XRCC5: variants seen among roughly 807,000 people sequenced by gnomAD.
The protein encoded by XRCC5 is X-ray repair cross complementing 5, also known as DNA repair protein Ku80.
XRCC5 carries 12 observed loss-of-function variants against 95.7 expected under a neutral mutation model. The ratio of observed to expected loss-of-function variants is 0.13; its 90% CI spans 0.08 to 0.20. XRCC5 has a LOEUF of 0.20. Ranked by LOEUF, XRCC5 falls within the 10% of genes least tolerant of loss-of-function variation. XRCC5 has a pLI of 1.00. For synonymous variants in XRCC5, 281 were observed against 290.3 expected (o/e 0.97, Z 0.33); for missense variants, 595 against 873.9 (o/e 0.68, Z 4.02).
At chr2:216,118,933 T>G in intron 4 of XRCC5, 110 bp from the exon 5 acceptor site, 1 of 1,129,772 alleles carries the variant, frequency 8.9e-7, no homozygotes. Context: ...TCACATTTAT[T>G]AACTCTAGAT....
At chr2:216,144,448 G>GT in intron 13 of XRCC5, among the ~76,000 whole-genome samples, 1 of 152,194 alleles carries the variant, frequency 6.6e-6, no homozygotes, top group East Asian at 1.9e-4. Context: ...AGGCTTAAGA[G>GT]TTAAAGCAGT....
intron 4 of XRCC5, among the ~76,000 whole-genome samples, chr2:216,118,003 T>C (rs1696733267): frequency 6.6e-6 from 1 of 152,194 alleles, no homozygotes; most frequent in Non-Finnish European, 1.5e-5. Flanking sequence ...TGATTATTTC[T>C]CTGGAAGAAA....
intron 10 of XRCC5, among the ~76,000 whole-genome samples, chr2:216,132,930 A>G (rs1431426972): frequency 6.6e-6 from 1 of 152,212 alleles, no homozygotes; most frequent in Non-Finnish European, 1.5e-5. Context: ...TGTTGGAGAT[A>G]CTGATTTTAA....
intron 6 of XRCC5, among the ~76,000 whole-genome samples, chr2:216,124,014 G>A (rs866704104): frequency 2.6e-5 from 4 of 152,158 alleles, no homozygotes; most frequent in African/African-American, 7.2e-5. Context: ...GCTACATGTG[G>A]CTATTTAAAT....
chr2:216,203,865 T>TTTTC lies in XRCC5; in HGVS notation c.2110-457_2110-456insTTTC, dbSNP rs1553582007. Among the ~76,000 whole-genome samples, 2 of 150,468 alleles carry TTTTC rather than the reference T, an allele frequency of 1.3e-5. 1 individual carries two copies. The highest frequency in any genetic ancestry group is 4.9e-5 in the African/African-American group (2 of 40,804). On this transcript the variant is annotated intron_variant, in intron 19 of 20. Transcript: ENST00000392132. ...ATTCTAAGCTTTTTTTTTTTTTTTT[T>TTTTC]CCTGATTCTTCATCATTCAACTTGA...
chr2:216,187,825 T>TCA lies in XRCC5; in HGVS notation c.1835-2399_1835-2398insAC, dbSNP rs1559261263. 3.6e-3 allele frequency among the ~76,000 whole-genome samples: 179 copies of TCA among 50,040 alleles called. 4 individuals are homozygous for TCA. The highest frequency in any genetic ancestry group is 0.018 in the African/African-American group (171 of 9,272). 32.8% of individuals were successfully genotyped at this position (50,040 alleles called of 152,430 possible). A position where few individuals can be genotyped will look rare whatever the true frequency, so the allele number is the denominator to read the frequency against. ...CACACACACACACACACACACACTC[T>TCA]CTCTCTCTCTCTCTCTCTCTCTCTC... is the stretch of plus-strand genomic sequence containing the variant. On this transcript the variant is annotated intron_variant, in intron 16 of 20. Coordinates refer to ENST00000392132, the MANE Select transcript of XRCC5 (RefSeq NM_021141.4).
intron 16 of XRCC5, among the ~76,000 whole-genome samples, chr2:216,182,593 C>G (rs1335951889): frequency 6.6e-6 from 1 of 152,182 alleles, no homozygotes; most frequent in Non-Finnish European, 1.5e-5. Context: ...TCACCCCCCA[C>G]CACAACACAT....
chr2:216,109,478 T>C (rs1461019691), intron 1 of XRCC5, 21 bp downstream of exon 1: 2 of 1,613,646 alleles, frequency 1.2e-6, no homozygotes, highest in Non-Finnish European at 8.5e-7. Context: ...AGCCATGGAC[T>C]TGGGCTTTAC....
At chr2:216,157,755 GAAAAT>G (rs891552752) in intron 14 of XRCC5, among the ~76,000 whole-genome samples, 1 of 152,144 alleles carries the variant, frequency 6.6e-6, no homozygotes, top group African/African-American at 2.4e-5. Context: ...GTTTGTGAAA[GAAAAT>G]AAGAAAGGAG....
At chr2:216,136,825 A>G (rs945912851) in intron 10 of XRCC5, among the ~76,000 whole-genome samples, 8 of 152,240 alleles carry the variant, frequency 5.3e-5, no homozygotes, top group African/African-American at 1.2e-4. Context: ...GAGGGCTGAC[A>G]TGAGTTTATT....
In XRCC5 at chr2:216,205,371, T is replaced by C; in HGVS notation, c.*169T>C. The C allele has an allele frequency of 2.8e-6, 2 of 724,288 alleles. No homozygotes were observed. The highest frequency in any genetic ancestry group is 4.9e-6 in the Non-Finnish European group (2 of 408,714). 44.9% of individuals were successfully genotyped at this position (724,288 alleles called of 1,614,324 possible). A position where few individuals can be genotyped will look rare whatever the true frequency, so the allele number is the denominator to read the frequency against. On this transcript the variant is annotated 3_prime_UTR_variant, in exon 21 of 21. Coordinates refer to ENST00000392132, the MANE Select transcript of XRCC5 (RefSeq NM_021141.4). ...TCTCTGTGGAATGAATACACACATA[T>C]ATATTACAAGGGATAATTTAGACCC...
intron 13 of XRCC5, among the ~76,000 whole-genome samples, chr2:216,143,534 G>A (rs73058449): frequency 0.059 from 8,938 of 152,134 alleles, 829 homozygotes; most frequent in African/African-American, 0.2. Flanking sequence ...ATATTCCAAA[G>A]CTGCTGCAAG....
At chr2:216,175,846 T>C (rs868869063) in intron 16 of XRCC5, 66 of 432,296 alleles carry the variant, frequency 1.5e-4, no homozygotes, top group Middle Eastern at 7.7e-4. Flanking sequence ...AATCTGTGAG[T>C]GTGCCCCCTT....
intron 14 of XRCC5, among the ~76,000 whole-genome samples, chr2:216,155,089 G>A (rs1422383835): frequency 6.6e-6 from 1 of 151,792 alleles, no homozygotes; most frequent in Non-Finnish European, 1.5e-5. Flanking sequence ...AGCTAGGCAT[G>A]ATGGCACACA....
chr2:216,120,111 G>A (rs940423392), intron 5 of XRCC5, among the ~76,000 whole-genome samples: 2 of 152,108 alleles, frequency 1.3e-5, no homozygotes, highest in African/African-American at 2.4e-5. Context: ...CTTTCTGTAC[G>A]ACTGTGGAAA....
At chr2:216,110,889 CG>C (rs1472530555) in intron 1 of XRCC5, among the ~76,000 whole-genome samples, 4 of 147,362 alleles carry the variant, frequency 2.7e-5, no homozygotes, top group African/African-American at 5.4e-5. Context: ...TTTATTAGCA[CG>C]TTTTTTTTTT....
At chr2:216,160,257 T>C in intron 15 of XRCC5, 96 bp downstream of exon 15, 1 of 744,576 alleles carries the variant, frequency 1.3e-6, no homozygotes, top group South Asian at 2.1e-5. Flanking sequence ...CTTACCACTT[T>C]CAAGTTAAGA....
At chr2:216,161,513 G>T (rs942723407) in intron 15 of XRCC5, among the ~76,000 whole-genome samples, 2 of 152,162 alleles carry the variant, frequency 1.3e-5, no homozygotes, top group Non-Finnish European at 2.9e-5. Context: ...AGTGCCAAAG[G>T]GTCAGCAGCA....
At chr2:216,126,813 G>A (rs1369218263) in intron 7 of XRCC5, among the ~76,000 whole-genome samples, 1 of 151,906 alleles carries the variant, frequency 6.6e-6, no homozygotes, top group East Asian at 1.9e-4. Flanking sequence ...GCCTAGAATA[G>A]TGTCCCTAGG....
Sources: allele counts gnomAD v4.1 joint callset (sites outside exome capture counted in the v4.1 genomes callset), GRCh38; gene constraint gnomAD v4.1.1; transcripts MANE v1.5; gene names NCBI Gene and HGNC (gene_info 2026-07-23, HGNC 2026-07-21).